The following VAT1L variants were observed in gnomAD, a reference collection of about 807,000 sequenced individuals.
VAT1L encodes the protein vesicle amine transport 1 like, also known as putative NADPH-dependent quinone oxidoreductase VAT1L.
A neutral mutation model predicts 44.1 loss-of-function variants in VAT1L; 34 were observed. That is an observed-to-expected ratio of 0.77 (90% confidence interval 0.59 to 1.03). The LOEUF is 1.03. Ranked by LOEUF, VAT1L falls within the 50% of genes least tolerant of loss-of-function variation. VAT1L has a pLI of 0.00. For synonymous variants in VAT1L, 253 were observed against 202.2 expected, an observed-to-expected ratio of 1.25 and a Z score of -2.13; for missense variants, 615 against 538.8, an observed-to-expected ratio of 1.14 and a Z score of -1.40.
chr16:77,793,091 T>C (rs552027326), intron 1 of VAT1L, among the ~76,000 whole-genome samples: 41 of 152,274 alleles, frequency 2.7e-4, no homozygotes, highest in African/African-American at 9.6e-4. Flanking sequence ...CCATAGATAC[T>C]TATATAGTTT....
chr16:77,804,031 G>A (rs1462428604), intron 1 of VAT1L, among the ~76,000 whole-genome samples: 2 of 152,128 alleles, frequency 1.3e-5, no homozygotes, highest in African/African-American at 2.4e-5. Context: ...CTGTCATGCC[G>A]TGTAGTCATT....
At chr16:77,969,421 G>A (rs958281746) in intron 7 of VAT1L, among the ~76,000 whole-genome samples, 1 of 152,042 alleles carries the variant, frequency 6.6e-6, no homozygotes. Context: ...GGTCTCTGTG[G>A]TCGTTGGCAG....
chr16:77,892,227 A>G (rs926418073), intron 7 of VAT1L, among the ~76,000 whole-genome samples: 6 of 152,198 alleles, frequency 3.9e-5, no homozygotes, highest in Non-Finnish European at 8.8e-5. Context: ...CAAGCATCCA[A>G]AACAGATACT....
intron 3 of VAT1L, among the ~76,000 whole-genome samples, chr16:77,851,293 A>G (rs536285934): frequency 6.6e-6 from 1 of 152,184 alleles, no homozygotes; most frequent in Non-Finnish European, 1.5e-5. Context: ...GAAAAAAGCT[A>G]TTTAACCTGG....
intron 7 of VAT1L, among the ~76,000 whole-genome samples, chr16:77,894,160 C>T (rs2017297258): frequency 6.6e-6 from 1 of 152,186 alleles, no homozygotes; most frequent in South Asian, 2.1e-4. Flanking sequence ...ACCCTACAAC[C>T]CCCGCTTTAT....
intron 3 of VAT1L, among the ~76,000 whole-genome samples, chr16:77,840,162 C>T (rs556110780): frequency 6.6e-6 from 1 of 152,236 alleles, no homozygotes; most frequent in South Asian, 2.1e-4. Flanking sequence ...GTGATTATGC[C>T]AATATCATGC....
At chr16:77,895,176 C>G (rs1312036076) in intron 7 of VAT1L, among the ~76,000 whole-genome samples, 1 of 150,500 alleles carries the variant, frequency 6.6e-6, no homozygotes, top group African/African-American at 2.4e-5. Context: ...TTTTCTGCAG[C>G]TCAAACTTAC....
chr16:77,903,734 C>G (rs1329976560), intron 7 of VAT1L, among the ~76,000 whole-genome samples: 2 of 124,364 alleles, frequency 1.6e-5, no homozygotes, highest in African/African-American at 6.1e-5. Context: ...TCTCTCATTA[C>G]TTTTTTTTTT....
At chr16:77,812,089 T>C (rs1448303216) in intron 1 of VAT1L, among the ~76,000 whole-genome samples, 1 of 151,392 alleles carries the variant, frequency 6.6e-6, no homozygotes, top group African/African-American at 2.4e-5. Flanking sequence ...TGAATCTTTT[T>C]TTTTTTTTTT....
chr16:77,819,297 G>A (rs547449258), intron 2 of VAT1L, among the ~76,000 whole-genome samples: 12 of 152,236 alleles, frequency 7.9e-5, no homozygotes, highest in South Asian at 2.1e-4. Flanking sequence ...TTGGGTTTTC[G>A]TGATTCTGTG....
At position 77,821,662 on chromosome 16, in the gene VAT1L, G is replaced by T. The variant is rs183009278; in HGVS notation, c.364-3584G>T. Among the ~76,000 whole-genome samples the T allele has an allele frequency of 5.9e-5, 9 of 152,090 alleles. No individual in the cohort carries two copies. The East Asian group carries it at 1.4e-3, about 23-fold the overall frequency. ...GTTATTTAACTGCTCTGAGCTTTAG[G>T]TCCCAGTCTATAAAATGGGAACAAT... On this transcript the variant is annotated intron_variant, in intron 2 of 8. Coordinates refer to ENST00000302536, the MANE Select transcript of VAT1L (RefSeq NM_020927.3).
At chr16:77,872,213 G>C (rs188894151) in intron 4 of VAT1L, among the ~76,000 whole-genome samples, 9 of 152,226 alleles carry the variant, frequency 5.9e-5, no homozygotes, top group Non-Finnish European at 8.8e-5. Context: ...GCCCAGTACT[G>C]TGTTGCCCTT....
chr16:77,940,540 T>C (rs1013660102), intron 7 of VAT1L, among the ~76,000 whole-genome samples: 2 of 151,982 alleles, frequency 1.3e-5, no homozygotes, highest in Non-Finnish European at 2.9e-5. Context: ...AGATGGGGTT[T>C]CACCATGTTG....
At chr16:77,838,655 T>C (rs899092310) in intron 3 of VAT1L, among the ~76,000 whole-genome samples, 1 of 151,762 alleles carries the variant, frequency 6.6e-6, no homozygotes, top group Non-Finnish European at 1.5e-5. Flanking sequence ...CTTTCCCTCC[T>C]CCTTTCCCTC....
At chr16:77,861,294 T>C (rs910832889) in intron 3 of VAT1L, among the ~76,000 whole-genome samples, 2 of 152,232 alleles carry the variant, frequency 1.3e-5, no homozygotes, top group African/African-American at 4.8e-5. Flanking sequence ...CACTTGGCTT[T>C]AGAATGCACC....
At chr16:77,947,779 G>C (rs934485027) in intron 7 of VAT1L, among the ~76,000 whole-genome samples, 1 of 152,148 alleles carries the variant, frequency 6.6e-6, no homozygotes, top group Non-Finnish European at 1.5e-5. Flanking sequence ...TTTTGAGGTG[G>C]AGTTTCGCTC....
chr16:77,957,677 A>C (rs1457333320), intron 7 of VAT1L, among the ~76,000 whole-genome samples: 1 of 151,814 alleles, frequency 6.6e-6, no homozygotes, highest in Non-Finnish European at 1.5e-5. Flanking sequence ...GTGAGCTGAG[A>C]TCGGGCCACT....
intron 4 of VAT1L, among the ~76,000 whole-genome samples, chr16:77,874,382 T>A (rs1401739430): frequency 6.6e-6 from 1 of 151,930 alleles, no homozygotes; most frequent in Admixed American, 6.6e-5. Context: ...CACCCCATAA[T>A]GCAAGGTGAA....
intron 5 of VAT1L, among the ~76,000 whole-genome samples, chr16:77,877,338 G>A (rs370501774): frequency 1.8e-4 from 27 of 151,720 alleles, no homozygotes; most frequent in East Asian, 5.8e-4. Flanking sequence ...GTGAAACCCC[G>A]TCTCTACTAA....
Sources: gnomAD v4.1 joint callset for allele counts (sites outside exome capture counted in the v4.1 genomes callset) on GRCh38, gnomAD v4.1.1 for gene constraint, MANE v1.5 for transcripts, NCBI Gene and HGNC (gene_info 2026-07-23, HGNC 2026-07-21) for gene names.